Variants in LINGO2 observed in about 807,000 individuals in gnomAD.
LINGO2 encodes the protein leucine-rich repeat and immunoglobulin-like domain-containing nogo receptor-interacting protein 2.
LINGO2 carries 14 observed loss-of-function variants against 30.6 expected under a neutral mutation model. That is an observed-to-expected ratio of 0.46 (90% confidence interval 0.30 to 0.72). LINGO2 has a LOEUF of 0.72. LINGO2 is among the 30% of genes least tolerant of loss of function. The pLI is 0.07. For missense variants in LINGO2, 729 were observed against 751.7 expected (o/e 0.97, Z 0.35); for synonymous variants, 317 against 288.5 (o/e 1.10, Z -1.00).
the LINGO2 span, among the ~76,000 whole-genome samples, chr9:28,902,332 C>G: frequency 6.6e-6 from 1 of 152,074 alleles, no homozygotes; most frequent in Admixed American, 6.6e-5. Flanking sequence ...GAGGTCAACT[C>G]ATGAAGAAGA....
At chr9:28,738,965 C>T in the LINGO2 span, among the ~76,000 whole-genome samples, 1 of 151,954 alleles carries the variant, frequency 6.6e-6, no homozygotes, top group African/African-American at 2.4e-5. Flanking sequence ...CTTAAGGACA[C>T]TATTTCTCAA....
At chr9:29,014,787 G>T in the LINGO2 span, among the ~76,000 whole-genome samples, 1 of 152,158 alleles carries the variant, frequency 6.6e-6, no homozygotes, top group Non-Finnish European at 1.5e-5. Flanking sequence ...GAAGGAGGGT[G>T]CAGGCCCTGG....
intron 4 of LINGO2, among the ~76,000 whole-genome samples, chr9:28,109,094 T>C (rs998029545): frequency 6.6e-6 from 1 of 152,108 alleles, no homozygotes; most frequent in Non-Finnish European, 1.5e-5. Flanking sequence ...GTTCAACATA[T>C]GCAAATCAAT....
At chr9:28,522,975 C>G (rs1397646067) in intron 1 of LINGO2, among the ~76,000 whole-genome samples, 2 of 150,610 alleles carry the variant, frequency 1.3e-5, no homozygotes, top group Admixed American at 6.6e-5. Flanking sequence ...GATATAAATA[C>G]ATAAACAAAA....
chr9:28,045,070 C>G (rs536341739), intron 4 of LINGO2, among the ~76,000 whole-genome samples: 20 of 152,072 alleles, frequency 1.3e-4, no homozygotes, highest in African/African-American at 4.3e-4. Flanking sequence ...CAGTAGAAGT[C>G]AGGCAATATA....
chr9:28,488,748 T>G (rs1826270866), intron 1 of LINGO2, among the ~76,000 whole-genome samples: 1 of 152,144 alleles, frequency 6.6e-6, no homozygotes, highest in African/African-American at 2.4e-5. Flanking sequence ...CAATGAAAGA[T>G]TTTTCTAGAA....
chr9:29,031,947 C>G, the LINGO2 span, among the ~76,000 whole-genome samples: 1 of 152,056 alleles, frequency 6.6e-6, no homozygotes, highest in Non-Finnish European at 1.5e-5. Flanking sequence ...AAATTAGAAT[C>G]TCATTTGTCA....
intron 4 of LINGO2, among the ~76,000 whole-genome samples, chr9:28,286,060 G>T (rs1329487164): frequency 6.6e-6 from 1 of 152,144 alleles, no homozygotes; most frequent in Non-Finnish European, 1.5e-5. Flanking sequence ...CTTTATTTCA[G>T]ATTAAATCCT....
At chr9:28,546,461 G>A (rs985571988) in intron 1 of LINGO2, among the ~76,000 whole-genome samples, 1 of 152,052 alleles carries the variant, frequency 6.6e-6, no homozygotes, top group Non-Finnish European at 1.5e-5. Flanking sequence ...AGCAAGGCTT[G>A]TTTGTTCAGA....
the LINGO2 span, among the ~76,000 whole-genome samples, chr9:28,732,416 C>T: frequency 6.6e-6 from 1 of 150,710 alleles, no homozygotes. Flanking sequence ...AACTTAAAAC[C>T]ACACAAGTAA....
chr9:29,001,566 C>T, the LINGO2 span, among the ~76,000 whole-genome samples: 3 of 151,862 alleles, frequency 2.0e-5, no homozygotes, highest in Admixed American at 2.0e-4. Flanking sequence ...GGCTATTTGG[C>T]CAAGCAAGAG....
chr9:28,974,485 GTATT>G, the LINGO2 span, among the ~76,000 whole-genome samples: 2 of 152,132 alleles, frequency 1.3e-5, no homozygotes, highest in Non-Finnish European at 2.9e-5. Context: ...TTAAGGCTTA[GTATT>G]TATTAGTTTT....
intron 4 of LINGO2, among the ~76,000 whole-genome samples, chr9:28,057,611 GTATATACATATATATACA>G (rs1824996557): frequency 1.9e-5 from 1 of 52,836 alleles, no homozygotes; most frequent in African/African-American, 5.6e-5. Context: ...ACACATATAT[GTATATACATATATATACA>G]CACATATATA....
chr9:28,992,290 G>C, the LINGO2 span, among the ~76,000 whole-genome samples: 7 of 152,072 alleles, frequency 4.6e-5, no homozygotes, highest in African/African-American at 1.7e-4. Flanking sequence ...TAATGGTAAA[G>C]GGATCAATAC....
the LINGO2 span, among the ~76,000 whole-genome samples, chr9:29,201,726 G>A: frequency 1.3e-5 from 2 of 151,940 alleles, no homozygotes; most frequent in South Asian, 4.1e-4. Flanking sequence ...GCTTTTAATT[G>A]TATACTTAAT....
At chr9:29,085,417 T>C in the LINGO2 span, among the ~76,000 whole-genome samples, 3 of 144,452 alleles carry the variant, frequency 2.1e-5, no homozygotes, top group Non-Finnish European at 4.6e-5. Flanking sequence ...TTACTATGTA[T>C]CACAGTCTAA....
chr9:28,961,481 C>G, the LINGO2 span, among the ~76,000 whole-genome samples: 1 of 152,108 alleles, frequency 6.6e-6, no homozygotes, highest in South Asian at 2.1e-4. Flanking sequence ...CATCCATATC[C>G]TTTCCTTTTG....
chr9:28,938,797 T>G, the LINGO2 span, among the ~76,000 whole-genome samples: 1 of 152,186 alleles, frequency 6.6e-6, no homozygotes, highest in Non-Finnish European at 1.5e-5. Context: ...TTTCTCAGAA[T>G]GTATCCCTGT....
At chr9:28,315,613 G>A (rs1222626341) in intron 3 of LINGO2, among the ~76,000 whole-genome samples, 5 of 152,052 alleles carry the variant, frequency 3.3e-5, no homozygotes, top group Non-Finnish European at 7.4e-5. Flanking sequence ...AAAAAGAAGG[G>A]CTGGTTAAGT....
Sources: gnomAD v4.1 joint callset for allele counts (sites outside exome capture counted in the v4.1 genomes callset) on GRCh38, gnomAD v4.1.1 for gene constraint, MANE v1.5 for transcripts, NCBI Gene and HGNC (gene_info 2026-07-23, HGNC 2026-07-21) for gene names.